Variants in ANKRD45 observed in about 807,000 individuals in gnomAD.
The protein encoded by ANKRD45 is ankyrin repeat domain 45, also known as ankyrin repeat domain-containing protein 45.
A neutral mutation model predicts 28.1 loss-of-function variants in ANKRD45; 21 were observed. That is an observed-to-expected ratio of 0.75 (90% confidence interval 0.53 to 1.08). ANKRD45 has a LOEUF of 1.08. Ranked by LOEUF, ANKRD45 falls within the 50% of genes least tolerant of loss-of-function variation. The pLI is 0.00. For missense variants in ANKRD45, 261 were observed against 308.7 expected (o/e 0.85, Z 1.16); for synonymous variants, 86 against 103.9 (o/e 0.83, Z 1.05).
chr1:173,677,062 A>C, the ANKRD45 span, among the ~76,000 whole-genome samples: 13 of 152,006 alleles, frequency 8.6e-5, no homozygotes, highest in Non-Finnish European at 1.6e-4. Flanking sequence ...CATAATTTAT[A>C]ATTTGATTTT....
chr1:173,688,783 T>C, the ANKRD45 span, among the ~76,000 whole-genome samples: 1 of 150,508 alleles, frequency 6.6e-6, no homozygotes, highest in Non-Finnish European at 1.5e-5. Flanking sequence ...TCTGCCTCTT[T>C]CCTCTCTGTC....
At chr1:173,688,636 CTG>C in the ANKRD45 span, among the ~76,000 whole-genome samples, 2 of 124,934 alleles carry the variant, frequency 1.6e-5, no homozygotes, top group Non-Finnish European at 3.7e-5. Flanking sequence ...CTTCCTCTTT[CTG>C]CCTCTTTCCT....
intron 5 of ANKRD45, chr1:173,612,610 C>G (rs1292268009): frequency 2.0e-5 from 3 of 152,746 alleles, no homozygotes; most frequent in Admixed American, 6.5e-5. Flanking sequence ...CTCCCTCTCC[C>G]TCTCCTTCCA....
the ANKRD45 span, among the ~76,000 whole-genome samples, chr1:173,686,910 C>T: frequency 6.6e-6 from 1 of 151,972 alleles, no homozygotes; most frequent in African/African-American, 2.4e-5. Flanking sequence ...AATGTCTGAC[C>T]AGAAGGTAAG....
chr1:173,651,795 T>C (rs536560954), intron 2 of ANKRD45, among the ~76,000 whole-genome samples: 1 of 152,200 alleles, frequency 6.6e-6, no homozygotes, highest in Non-Finnish European at 1.5e-5. Context: ...TAGTTCTCCT[T>C]GAAGAGGTCC....
intron 3 of ANKRD45, among the ~76,000 whole-genome samples, chr1:173,640,166 C>T (rs894761528): frequency 3.3e-5 from 5 of 152,022 alleles, no homozygotes; most frequent in African/African-American, 1.2e-4. Context: ...TATTTACATT[C>T]CTAAGCTGAT....
At chr1:173,614,164 C>CTGTTCACAA (rs1667354858) in intron 5 of ANKRD45, among the ~76,000 whole-genome samples, 1 of 152,082 alleles carries the variant, frequency 6.6e-6, no homozygotes, top group Non-Finnish European at 1.5e-5. Context: ...CTAGGAAAAC[C>CTGTTCACAA]AGAGACCTTT....
At chr1:173,664,235 G>C (rs1244558634) in intron 1 of ANKRD45, among the ~76,000 whole-genome samples, 1 of 152,146 alleles carries the variant, frequency 6.6e-6, no homozygotes, top group Non-Finnish European at 1.5e-5. Context: ...CGTTATAGCT[G>C]TTTTCCTGGT....
the ANKRD45 span, among the ~76,000 whole-genome samples, chr1:173,703,266 C>T: frequency 4.0e-5 from 6 of 150,584 alleles, no homozygotes; most frequent in East Asian, 3.9e-4. Context: ...TGCAGTGACA[C>T]GATCTCGGGT....
chr1:173,715,100 G>C, the ANKRD45 span: 1 of 152,668 alleles, frequency 6.6e-6, no homozygotes, highest in African/African-American at 2.4e-5. Context: ...AGTCACCTTA[G>C]AGCAGGGGAC....
chr1:173,610,521 G>A (rs924424174), intron 5 of ANKRD45, among the ~76,000 whole-genome samples: 1 of 152,094 alleles, frequency 6.6e-6, no homozygotes, highest in Non-Finnish European at 1.5e-5. Flanking sequence ...CAAAGTCAGG[G>A]TTCATTTCAG....
chr1:173,616,417 G>C (rs1667470473), intron 5 of ANKRD45, among the ~76,000 whole-genome samples: 1 of 152,082 alleles, frequency 6.6e-6, no homozygotes, highest in Non-Finnish European at 1.5e-5. Flanking sequence ...AGGGAGGGAA[G>C]AATAGGAAGT....
At chr1:173,691,923 G>C in the ANKRD45 span, among the ~76,000 whole-genome samples, 1 of 152,174 alleles carries the variant, frequency 6.6e-6, no homozygotes, top group Non-Finnish European at 1.5e-5. Context: ...TTCCCCTATT[G>C]GCGAGGATTA....
intron 3 of ANKRD45, among the ~76,000 whole-genome samples, chr1:173,643,046 C>T (rs956680790): frequency 6.6e-6 from 1 of 152,074 alleles, no homozygotes; most frequent in Admixed American, 6.6e-5. Flanking sequence ...TATACTATCA[C>T]TGCTACATGT....
At chr1:173,691,986 G>T in the ANKRD45 span, among the ~76,000 whole-genome samples, 2 of 152,150 alleles carry the variant, frequency 1.3e-5, no homozygotes, top group Non-Finnish European at 2.9e-5. Flanking sequence ...GAATGATGGG[G>T]TGAGTGCTTT....
intron 3 of ANKRD45, among the ~76,000 whole-genome samples, chr1:173,639,176 G>A (rs1419588370): frequency 6.6e-6 from 1 of 152,162 alleles, no homozygotes; most frequent in Non-Finnish European, 1.5e-5. Context: ...AAAAATTTGG[G>A]CTGAGCAAGG....
chr1:173,623,716 C>T (rs1667800721), intron 5 of ANKRD45, among the ~76,000 whole-genome samples: 1 of 152,076 alleles, frequency 6.6e-6, no homozygotes, highest in African/African-American at 2.4e-5. Flanking sequence ...ACCCAAATGC[C>T]TATCAATGAT....
chr1:173,672,926 G>C (rs1010262685), upstream of ANKRD45, among the ~76,000 whole-genome samples: 24 of 152,228 alleles, frequency 1.6e-4, no homozygotes, highest in African/African-American at 5.5e-4. Context: ...GACAGTGAAG[G>C]CCTGGTGAAC....
the ANKRD45 span, among the ~76,000 whole-genome samples, chr1:173,682,684 T>TACACACACACACAAAC: frequency 6.9e-6 from 1 of 143,940 alleles, no homozygotes; most frequent in South Asian, 2.2e-4. Flanking sequence ...GCCTTTTAAA[T>TACACACACACACAAAC]ACACACACAC....
Sources: allele counts gnomAD v4.1 joint callset (sites outside exome capture counted in the v4.1 genomes callset), GRCh38; gene constraint gnomAD v4.1.1; transcripts MANE v1.5; gene names NCBI Gene and HGNC (gene_info 2026-07-23, HGNC 2026-07-21).